Variants in FCMR observed in about 807,000 individuals in gnomAD.
The protein encoded by FCMR is immunoglobulin mu Fc receptor.
Under a neutral mutation model 41.6 loss-of-function variants are expected in FCMR, and 34 were observed. The observed-to-expected ratio is 0.82, with a 90% CI of 0.62 to 1.09. The LOEUF is 1.09. FCMR is among the 50% of genes least tolerant of loss of function. FCMR has a pLI of 0.00. For synonymous variants in FCMR, 209 were observed against 211.8 expected, an observed-to-expected ratio of 0.99 and a Z score of 0.12; for missense variants, 496 against 512.5, an observed-to-expected ratio of 0.97 and a Z score of 0.31.
chr1:206,907,066 C>CAAGCCGGAG, intron 7 of FCMR, among the ~76,000 whole-genome samples: 1 of 67,964 alleles, frequency 1.5e-5, no homozygotes. Flanking sequence ...TGGGGAAGGG[C>CAAGCCGGAG]AAGCCGGAGA....
intron 1 of FCMR, among the ~76,000 whole-genome samples, chr1:206,916,626 T>A (rs483850): frequency 0.59 from 89,509 of 152,126 alleles, 28,662 homozygotes; most frequent in African/African-American, 0.86. Context: ...AAATGACCAG[T>A]CCCCAGGAAA....
chr1:206,923,167 C>T (rs1400294377), upstream of FCMR: 1 of 152,358 alleles, frequency 6.6e-6, no homozygotes, highest in Non-Finnish European at 1.5e-5. Context: ...GGGGGATGTG[C>T]CTGACAGACC....
At chr1:206,907,892 C>A in intron 7 of FCMR, 1 of 1,273,760 alleles carries the variant, frequency 7.9e-7, no homozygotes, top group African/African-American at 1.5e-5. Context: ...CCCCAAGAGA[C>A]CAAGTGAGGC....
chr1:206,916,947 A>C (rs1679220733), intron 1 of FCMR, among the ~76,000 whole-genome samples: 1 of 152,228 alleles, frequency 6.6e-6, no homozygotes. Context: ...CTGGGGAAGA[A>C]AGGGAGGAAT....
chr1:206,922,121 G>C (rs12074421), upstream of FCMR: 2 of 521,454 alleles, frequency 3.8e-6, no homozygotes, highest in South Asian at 4.7e-5. Flanking sequence ...CTGTTCAAAA[G>C]GCATCTAAGA....
chr1:206,914,315 TTCCTTCCTTCC>T (rs1679086901), intron 1 of FCMR, among the ~76,000 whole-genome samples: 2 of 7,054 alleles, frequency 2.8e-4, no homozygotes, highest in African/African-American at 8.3e-3. Context: ...TTTTCTTTCC[TTCCTTCCTTCC>T]TTCCTTCCTT....
chr1:206,910,253 T>C lies in FCMR; in HGVS notation c.798A>G (p.Ala266=). 1 of 1,595,564 alleles carries C rather than the reference T, an allele frequency of 6.3e-7. No individual in the cohort carries two copies. The highest frequency in any genetic ancestry group is 8.5e-7 in the Non-Finnish European group (1 of 1,171,612). ...IPTILGLFLL[A]LLGLVVKRAV... The stretch of plus-strand genomic sequence containing the variant: ...CCCTTTTCACCACCAGCCCCAGAAG[T>C]GCCAGCAGGAAAAGGCCCAGGATGG... Residue 266 remains alanine, a synonymous_variant, in exon 5 of 8, where the codon GCA becomes GCG. Transcript: ENST00000367091.
At chr1:206,905,289 A>C in intron 7 of FCMR, 142 bp from the exon 8 acceptor site, 1 of 883,178 alleles carries the variant, frequency 1.1e-6, no homozygotes, top group Non-Finnish European at 1.7e-6. Context: ...GCTCAGCTCC[A>C]TCAAGTGGAG....
chr1:206,915,462 C>T (rs939840561), intron 1 of FCMR, among the ~76,000 whole-genome samples: 2 of 152,050 alleles, frequency 1.3e-5, no homozygotes, highest in Non-Finnish European at 2.9e-5. Context: ...CATAGGTGTG[C>T]ACACACTGTA....
At chr1:206,907,711 G>A in intron 7 of FCMR, 1 of 894,596 alleles carries the variant, frequency 1.1e-6, no homozygotes, top group Non-Finnish European at 1.9e-6. Flanking sequence ...TGCTGGGCTG[G>A]AAGGTGGTTG....
At chr1:206,910,102 G>T (rs1678861656) in intron 5 of FCMR, 108 bp downstream of exon 5, 2 of 1,299,638 alleles carry the variant, frequency 1.5e-6, no homozygotes, top group Non-Finnish European at 1.0e-6. Flanking sequence ...TACACCCCAG[G>T]CTGCTCATCA....
chr1:206,907,087 T>TGGGGG (rs1441828397), intron 7 of FCMR, among the ~76,000 whole-genome samples: 1 of 19,542 alleles, frequency 5.1e-5, no homozygotes, highest in Non-Finnish European at 1.1e-4. Context: ...AGCCGGGGGG[T>TGGGGG]GGGGGGGTGG....
Position 206,912,960 on chromosome 1 carries a change from T to TGCA in FCMR, c.453_455dup (p.Ala152dup), listed in dbSNP as rs982028429. ...TTACGAATTTGGAAGAACTGGCATA[T>TGCA]GCAGGCATCTGGAACAAATAGGGCA... On this transcript the variant is annotated inframe_insertion, in exon 3 of 8. Transcript: ENST00000367091. The TGCA allele has an allele frequency of 1.2e-6, 2 of 1,613,532 alleles. No individual in the cohort carries two copies. Among genetic ancestry groups the TGCA allele is most frequent in the African/African-American group, 2.7e-5 (2 of 74,922 alleles).
chr1:206,922,034 A>G (rs1572635370), upstream of FCMR: 2 of 625,610 alleles, frequency 3.2e-6, no homozygotes, highest in East Asian at 2.8e-5. Context: ...TTCTCAGGCT[A>G]AAAAGAGAGT....
At chr1:206,918,874 C>T (rs562588706) in intron 1 of FCMR, among the ~76,000 whole-genome samples, 190 of 152,168 alleles carry the variant, frequency 1.2e-3, no homozygotes, top group African/African-American at 4.3e-3. Context: ...CCTAGGGAGA[C>T]CCACTCCAGC....
At chr1:206,915,565 T>G (rs1343242699) in intron 1 of FCMR, among the ~76,000 whole-genome samples, 2 of 152,180 alleles carry the variant, frequency 1.3e-5, no homozygotes, top group African/African-American at 4.8e-5. Flanking sequence ...CTAATGCACT[T>G]GAGCCAGCTA....
intron 5 of FCMR, 59 bp downstream of exon 5, chr1:206,910,151 C>A: frequency 6.7e-7 from 1 of 1,481,932 alleles, no homozygotes; most frequent in East Asian, 2.4e-5. Context: ...AAAGGGGGTT[C>A]TGAACGCTGT....
Position 206,913,834 on chromosome 1 carries a change from C to T in FCMR, c.298G>A (p.Gly100Arg), listed in dbSNP as rs769287956. The change falls in exon 2 of 8, where the codon GGA becomes AGA. Residue 100 changes from glycine to arginine, a missense_variant. Physicochemically the swap from Gly to Arg is moderately radical, Grantham distance 125. Coordinates refer to ENST00000367091, the MANE Select transcript of FCMR (RefSeq NM_005449.5). The stretch of plus-strand genomic sequence containing the variant: ...ATGCCCGCTCCGCAGGCATAGACTC[C>T]GCTGTCACTTTCTGTCAGCTGTGTT... ...EVTQLTESDS[G>R]VYACGAGMNT... 22 of 1,614,090 alleles carry T rather than the reference C, an allele frequency of 1.4e-5. No homozygotes were observed. The highest frequency in any genetic ancestry group is 1.6e-4 in the Middle Eastern group (1 of 6,084).
rs368016028 is a variant in FCMR, at chr1:206,909,399, C to G, written c.1044+63G>C. 8 of 1,061,326 alleles carry G rather than the reference C, an allele frequency of 7.5e-6. No homozygotes were observed. Among genetic ancestry groups the G allele is most frequent in the Non-Finnish European group, 9.6e-6 (8 of 831,478 alleles). 65.7% of individuals were successfully genotyped at this position (1,061,326 alleles called of 1,614,324 possible). A position where few individuals can be genotyped will look rare whatever the true frequency, so the allele number is the denominator to read the frequency against. ...GCGCGGGAAGCCACACTCGGGTCCCCGCCCAGGGCTGGGGCCGCCCAGTCG... is the reference window on the plus strand; with the variant it reads ...GCGCGGGAAGCCACACTCGGGTCCCGGCCCAGGGCTGGGGCCGCCCAGTCG... On this transcript the variant is annotated intron_variant, in intron 7 of 7. Coordinates refer to ENST00000367091, the MANE Select transcript of FCMR (RefSeq NM_005449.5). This position sits in a 1 kb window ranked among gnomAD's most constrained non-coding sequence, Gnocchi z 5.0.
Sources: allele counts gnomAD v4.1 joint callset (sites outside exome capture counted in the v4.1 genomes callset), GRCh38; gene constraint gnomAD v4.1.1; non-coding constraint Gnocchi (gnomAD v3.1); transcripts MANE v1.5; gene names NCBI Gene and HGNC (gene_info 2026-07-23, HGNC 2026-07-21).